Variants in GNG7 observed in about 807,000 individuals in gnomAD.
GNG7 encodes the protein guanine nucleotide-binding protein G(I)/G(S)/G(O) subunit gamma-7.
A neutral mutation model predicts 4.0 loss-of-function variants in GNG7; 1 was observed. The observed-to-expected ratio is 0.25, with a 90% CI of 0.09 to 1.18. GNG7 has a LOEUF of 1.18. GNG7 is among the 50% of genes most tolerant of loss of function. The pLI is 0.50. For synonymous variants in GNG7, 34 were observed against 36.9 expected, an observed-to-expected ratio of 0.92 and a Z score of 0.29; for missense variants, 86 against 91.9, an observed-to-expected ratio of 0.94 and a Z score of 0.26.
rs1438276423 is a variant in GNG7 at position 2,617,623 on chromosome 19, T to C, written c.-78+28601A>G. ...ATGCTCCTCCCCATCCTGCAGGGGT[T>C]GGCAAGGATGTCCCCTCCTTAGAGA... On this transcript the variant is annotated intron_variant, in intron 2 of 4. Transcript: ENST00000382159. The surrounding 1 kb of genome is among the most constrained non-coding windows in gnomAD (Gnocchi z 4.7). Among the ~76,000 whole-genome samples, 1 of 152,134 alleles carries C rather than the reference T, an allele frequency of 6.6e-6. No homozygotes were observed. Among genetic ancestry groups the C allele is most frequent in the East Asian group, 1.9e-4 (1 of 5,202 alleles).
chr19:2,656,338 T>C (rs1190627841), intron 1 of GNG7, among the ~76,000 whole-genome samples: 2 of 152,208 alleles, frequency 1.3e-5, no homozygotes, highest in Non-Finnish European at 2.9e-5. Flanking sequence ...GTGCGGTGGC[T>C]CACGCCTGTC....
chr19:2,558,340 G>A (rs1477963278), intron 2 of GNG7, among the ~76,000 whole-genome samples: 2 of 150,732 alleles, frequency 1.3e-5, no homozygotes, highest in African/African-American at 2.4e-5. Context: ...GGGCTCAAGC[G>A]ATCCTCCCTC....
chr19:2,594,444 AAGGAGG>A (rs1555696470), intron 2 of GNG7, among the ~76,000 whole-genome samples: 1 of 133,492 alleles, frequency 7.5e-6, no homozygotes, highest in African/African-American at 3.6e-5. Context: ...GGAAGGAAGG[AAGGAGG>A]AAGAAAGAAA....
intron 1 of GNG7, among the ~76,000 whole-genome samples, chr19:2,666,205 T>C: frequency 6.6e-6 from 1 of 151,886 alleles, no homozygotes; most frequent in African/African-American, 2.4e-5. Context: ...AGAGTCTTGC[T>C]CTTGTCGCCC....
At chr19:2,647,118 A>G (rs1445310265) in intron 1 of GNG7, among the ~76,000 whole-genome samples, 1 of 152,204 alleles carries the variant, frequency 6.6e-6, no homozygotes. Context: ...CCCTGCCACC[A>G]TCACTGACAG....
intron 1 of GNG7, among the ~76,000 whole-genome samples, chr19:2,687,044 G>A (rs1983890130): frequency 6.7e-6 from 1 of 149,104 alleles, no homozygotes; most frequent in African/African-American, 2.5e-5. Flanking sequence ...GAGCCACCGC[G>A]CCTGGCCACT....
chr19:2,578,752 C>T (rs1568251156), intron 2 of GNG7, among the ~76,000 whole-genome samples: 2 of 152,264 alleles, frequency 1.3e-5, no homozygotes, highest in Non-Finnish European at 2.9e-5. Context: ...CACTCCCTGC[C>T]AGGAAGCCCC....
At chr19:2,558,133 G>A (rs78619038) in intron 2 of GNG7, among the ~76,000 whole-genome samples, 125,146 of 151,656 alleles carry the variant, frequency 0.83, 51,962 homozygotes, top group African/African-American at 0.91. Flanking sequence ...GAGCCACCGC[G>A]CCCGGCCTCT....
chr19:2,656,820 C>T (rs931771033), intron 1 of GNG7, among the ~76,000 whole-genome samples: 13 of 152,170 alleles, frequency 8.5e-5, no homozygotes, highest in Admixed American at 7.9e-4. Flanking sequence ...ACCTCCGGCC[C>T]TTTAGGAAGG....
chr19:2,559,284 G>T (rs912718163), intron 2 of GNG7, among the ~76,000 whole-genome samples: 1 of 151,186 alleles, frequency 6.6e-6, no homozygotes, highest in Non-Finnish European at 1.5e-5. Context: ...ATTTTTGTAG[G>T]GGTAGTTTCC....
At chr19:2,577,088 T>C (rs1980364142) in intron 2 of GNG7, among the ~76,000 whole-genome samples, 1 of 152,210 alleles carries the variant, frequency 6.6e-6, no homozygotes, top group Admixed American at 6.5e-5. Context: ...CAGGACAAGG[T>C]CCACCTCGCA....
At chr19:2,642,067 A>G (rs1385720795) in intron 2 of GNG7, 5 of 154,936 alleles carry the variant, frequency 3.2e-5, no homozygotes, top group Non-Finnish European at 7.2e-5. Flanking sequence ...GGAGGTGCCT[A>G]CATCCACCAG....
chr19:2,687,874 CT>C (rs1467082202), intron 1 of GNG7, among the ~76,000 whole-genome samples: 3 of 152,024 alleles, frequency 2.0e-5, no homozygotes, highest in Admixed American at 1.3e-4. Flanking sequence ...ATTTGGGAGG[CT>C]GAGGCAGGAG....
intron 3 of GNG7, among the ~76,000 whole-genome samples, chr19:2,548,557 G>A (rs1198423787): frequency 1.3e-5 from 2 of 149,358 alleles, no homozygotes; most frequent in Non-Finnish European, 3.0e-5. Flanking sequence ...GGGTGGCTGA[G>A]GTGTGTGGCT....
Position 2,536,040 on chromosome 19 carries a change from G to C in GNG7, c.-37-15315C>G, listed in dbSNP as rs533813954. On this transcript the variant is annotated intron_variant, in intron 3 of 4. Transcript: ENST00000382159. ...CTTGGATGGCTGAGGCAGGAGGATCGCTTGAGTCCAGGAGTTGGAGGCTGC... is the reference window on the plus strand; with the variant it reads ...CTTGGATGGCTGAGGCAGGAGGATCCCTTGAGTCCAGGAGTTGGAGGCTGC... Among the ~76,000 whole-genome samples the C allele has an allele frequency of 1.8e-4, 28 of 152,200 alleles. No individual in the cohort carries two copies. In the South Asian group the frequency reaches 5.8e-3, roughly 32 times the overall value.
intron 3 of GNG7, among the ~76,000 whole-genome samples, chr19:2,552,247 A>C (rs1163640340): frequency 7.2e-5 from 11 of 152,018 alleles, no homozygotes; most frequent in Non-Finnish European, 1.6e-4. Flanking sequence ...AGTTTGCAGT[A>C]AGCTAAGATC....
chr19:2,621,159 C>T (rs1334601472), intron 2 of GNG7, among the ~76,000 whole-genome samples: 1 of 152,114 alleles, frequency 6.6e-6, no homozygotes, highest in Non-Finnish European at 1.5e-5. Context: ...GGTTTAGTGA[C>T]GTCCCTTCAA....
chr19:2,538,460 CAAA>C (rs397859757), intron 3 of GNG7: 3,301 of 178,212 alleles, frequency 0.019, no homozygotes, highest in South Asian at 0.034. Flanking sequence ...CCCGTCTCTG[CAAA>C]AAAAAAAAAA....
At chr19:2,692,797 A>T (rs1026190237) in intron 1 of GNG7, among the ~76,000 whole-genome samples, 15 of 149,608 alleles carry the variant, frequency 1.0e-4, no homozygotes, top group Non-Finnish European at 2.2e-4. Context: ...ACCAGCCTGG[A>T]CAACACAGCA....
Sources: allele counts gnomAD v4.1 joint callset (sites outside exome capture counted in the v4.1 genomes callset), GRCh38; gene constraint gnomAD v4.1.1; non-coding constraint Gnocchi (gnomAD v3.1); transcripts MANE v1.5; gene names NCBI Gene and HGNC (gene_info 2026-07-23, HGNC 2026-07-21).